Variants in PRKACA observed in about 807,000 individuals in gnomAD.
PRKACA encodes cAMP-dependent protein kinase catalytic subunit alpha.
Under a neutral mutation model 45.8 loss-of-function variants are expected in PRKACA, and 9 were observed. The ratio of observed to expected loss-of-function variants is 0.20; its 90% confidence interval spans 0.12 to 0.34. PRKACA has a LOEUF of 0.34. Ranked by LOEUF, PRKACA falls within the 10% of genes least tolerant of loss-of-function variation. The probability of loss-of-function intolerance (pLI) is 1.00; values close to 1 mark genes in which losing one functional copy is unlikely to be tolerated. For synonymous variants in PRKACA, 160 were observed against 178.6 expected (o/e 0.90, Z 0.83); for missense variants, 238 against 458.6 (o/e 0.52, Z 4.39).
intron 1 of PRKACA, among the ~76,000 whole-genome samples, chr19:14,109,993 T>TACAC (rs1568537553): frequency 2.5e-5 from 2 of 78,920 alleles, no homozygotes; most frequent in African/African-American, 1.4e-4. Context: ...TATATATATA[T>TACAC]ATATATACAC....
At chr19:14,115,478 G>T (rs1479438493) in intron 1 of PRKACA, among the ~76,000 whole-genome samples, 1 of 152,128 alleles carries the variant, frequency 6.6e-6, no homozygotes, top group Non-Finnish European at 1.5e-5. Context: ...CTATGTCATG[G>T]ATGTCATTTC....
chr19:14,096,032 G>GTTTTTTTTTTT (rs60082323), intron 8 of PRKACA, among the ~76,000 whole-genome samples: 4 of 92,580 alleles, frequency 4.3e-5, no homozygotes, highest in Non-Finnish European at 6.3e-5. Flanking sequence ...CTAATTTTTA[G>GTTTTTTTTTTT]TTTTTTTTTT....
chr19:14,109,602 A>G (rs905996543), intron 1 of PRKACA, among the ~76,000 whole-genome samples: 3 of 150,958 alleles, frequency 2.0e-5, no homozygotes, highest in Non-Finnish European at 4.4e-5. Context: ...TGGGTGACAG[A>G]GCAAGACTCG....
chr19:14,116,674 C>T (rs2144500189), intron 1 of PRKACA, among the ~76,000 whole-genome samples: 1 of 152,198 alleles, frequency 6.6e-6, no homozygotes, highest in South Asian at 2.1e-4. Context: ...CACCCCCTTA[C>T]CCCAACGCAG....
chr19:14,097,773 G>A lies in PRKACA; in HGVS notation c.537C>T (p.Gly179=). 1 of 1,614,204 alleles carries A rather than the reference G, an allele frequency of 6.2e-7. No homozygotes were observed. The highest frequency in any genetic ancestry group is 1.1e-5 in the South Asian group (1 of 91,090). ...CCGGCCTGGTGGGCACCTGAATGTA[G>A]CCCTGCTGGTCAATGAGCAGATTCT... ...KPENLLIDQQ[G]YIQVTDFGFA... Residue 179 remains glycine (G), a synonymous_variant, in exon 6 of 10, where the codon GGC becomes GGT. Coordinates refer to ENST00000308677, the MANE Select transcript of PRKACA (RefSeq NM_002730.4). This position sits in a 1 kb window ranked among gnomAD's most constrained non-coding sequence, Gnocchi z 5.4.
chr19:14,103,423 GC>G (rs1977503091), intron 3 of PRKACA, among the ~76,000 whole-genome samples: 1 of 152,168 alleles, frequency 6.6e-6, no homozygotes, highest in Non-Finnish European at 1.5e-5. Flanking sequence ...TCCCCTAATA[GC>G]AGATGCCATG....
intron 3 of PRKACA, among the ~76,000 whole-genome samples, chr19:14,106,155 G>A (rs1977597221): frequency 6.6e-6 from 1 of 151,872 alleles, no homozygotes; most frequent in Non-Finnish European, 1.5e-5. Flanking sequence ...TTCAAGACCA[G>A]CCTGGGCAAC....
At chr19:14,104,460 G>A (rs961151629) in intron 3 of PRKACA, among the ~76,000 whole-genome samples, 1 of 151,836 alleles carries the variant, frequency 6.6e-6, no homozygotes, top group Non-Finnish European at 1.5e-5. Flanking sequence ...ACTTTGGGAG[G>A]CCGAGGCCGG....
intron 4 of PRKACA, among the ~76,000 whole-genome samples, chr19:14,102,008 A>G (rs748137928): frequency 2.6e-5 from 4 of 151,590 alleles, no homozygotes; most frequent in African/African-American, 4.9e-5. Flanking sequence ...TACTAAAAAT[A>G]CAAACATAAG....
At chr19:14,095,563 GGCTGAAGT>G (rs1977221957) in intron 8 of PRKACA, among the ~76,000 whole-genome samples, 1 of 152,072 alleles carries the variant, frequency 6.6e-6, no homozygotes, top group Non-Finnish European at 1.5e-5. Context: ...CTGTCACCCA[GGCTGAAGT>G]GCAGTGGCGC....
chr19:14,111,566 A>T (rs1966965395), intron 1 of PRKACA, among the ~76,000 whole-genome samples: 1 of 152,200 alleles, frequency 6.6e-6, no homozygotes, highest in African/African-American at 2.4e-5. Context: ...CCTGGGGGTC[A>T]CACCAAATCC....
Position 14,092,887 on chromosome 19 carries a change from GGA to G in PRKACA, c.*223_*224del. 1 of 536,014 alleles carries G rather than the reference GGA, an allele frequency of 1.9e-6. No individual in the cohort carries two copies. Among genetic ancestry groups the G allele is most frequent in the South Asian group, 3.4e-5 (1 of 29,070 alleles). 33.2% of individuals were successfully genotyped at this position (536,014 alleles called of 1,614,324 possible). On this transcript the variant is annotated 3_prime_UTR_variant, in exon 10 of 10. Transcript: ENST00000308677. The stretch of plus-strand genomic sequence containing the variant: ...GTGGGGAAAGAGGAAGGGAAAAGTG[GGA>G]GAGGGGGCAGGAGGGTGAAGGGGAT...
chr19:14,093,929 GCTC>G (rs1174893183), intron 8 of PRKACA, 137 bp from the exon 9 acceptor site: 2 of 864,186 alleles, frequency 2.3e-6, no homozygotes, highest in Non-Finnish European at 3.5e-6. Flanking sequence ...TTGTAAAACA[GCTC>G]CTTGAGCCTA....
At chr19:14,095,956 T>C (rs1977236734) in intron 8 of PRKACA, among the ~76,000 whole-genome samples, 1 of 150,740 alleles carries the variant, frequency 6.6e-6, no homozygotes, top group Non-Finnish European at 1.5e-5. Flanking sequence ...ACTTCTGGGC[T>C]CAAGCGATCC....
chr19:14,114,065 C>T, intron 1 of PRKACA: 2 of 1,540,798 alleles, frequency 1.3e-6, no homozygotes, highest in South Asian at 2.3e-5. Context: ...GACCCCGCTG[C>T]AGCCCCTCCC....
rs1051601919 is a variant in PRKACA at position 14,091,854 on chromosome 19, T to C, written c.*1258A>G. ...AACTCCTCCTGGGATGGGGAGAAGT[T>C]ATGAGAGGGGGAAATACGGGGATGA... is the stretch of plus-strand genomic sequence containing the variant. On this transcript the variant is annotated 3_prime_UTR_variant, in exon 10 of 10. Transcript: ENST00000308677. The C allele has an allele frequency of 2.6e-5, 4 of 152,134 alleles. No homozygotes were observed. The highest frequency in any genetic ancestry group is 5.9e-5 in the Non-Finnish European group (4 of 67,972). The allele number at this position is 152,134 out of a possible 1,614,324, so 9.4% of individuals were successfully genotyped here.
At chr19:14,114,068 C>A in intron 1 of PRKACA, 4 of 1,549,836 alleles carry the variant, frequency 2.6e-6, no homozygotes, top group Non-Finnish European at 3.5e-6. Flanking sequence ...CCCGCTGCAG[C>A]CCCTCCCTGA....
At chr19:14,105,613 G>T (rs1317790654) in intron 3 of PRKACA, among the ~76,000 whole-genome samples, 1 of 152,024 alleles carries the variant, frequency 6.6e-6, no homozygotes, top group East Asian at 1.9e-4. Flanking sequence ...ACAAACTTTG[G>T]GTGTTTTTTT....
rs376542789 is a variant in PRKACA, at chr19:14,097,687, G to C, written c.547-13C>G. On this transcript the variant is annotated splice_polypyrimidine_tract_variant and intron_variant, in intron 6 of 9. Coordinates refer to ENST00000308677, the MANE Select transcript of PRKACA (RefSeq NM_002730.4). This position sits in a 1 kb window ranked among gnomAD's most constrained non-coding sequence, Gnocchi z 5.4. ...CGAAGTCTGTCACCTGTGGGCACAA[G>C]AACAGGCAGTTGGCAGGGAGGAAGG... 31 of 1,611,260 alleles carry C rather than the reference G, an allele frequency of 1.9e-5. No homozygotes were observed. The highest frequency in any genetic ancestry group is 2.5e-5 in the Non-Finnish European group (30 of 1,178,064).
Sources: gnomAD v4.1 joint callset for allele counts (sites outside exome capture counted in the v4.1 genomes callset) on GRCh38, gnomAD v4.1.1 for gene constraint, Gnocchi (gnomAD v3.1) non-coding constraint, MANE v1.5 for transcripts, NCBI Gene and HGNC (gene_info 2026-07-23, HGNC 2026-07-21) for gene names.